KCND2: variants seen among roughly 807,000 people sequenced by gnomAD.
The protein encoded by KCND2 is A-type voltage-gated potassium channel KCND2.
KCND2 carries 16 observed loss-of-function variants against 54.4 expected under a neutral mutation model. That is an observed-to-expected ratio of 0.29 (90% CI 0.20 to 0.45). The LOEUF is 0.45. KCND2 is among the 20% of genes least tolerant of loss of function. The pLI is 1.00. For synonymous variants in KCND2, 317 were observed against 310.7 expected, an observed-to-expected ratio of 1.02 and a Z score of -0.21; for missense variants, 486 against 824.2, an observed-to-expected ratio of 0.59 and a Z score of 5.02.
chr7:120,497,454 A>G (rs746123954), intron 1 of KCND2, among the ~76,000 whole-genome samples: 2 of 152,228 alleles, frequency 1.3e-5, no homozygotes, highest in Non-Finnish European at 2.9e-5. Flanking sequence ...AGCAAGTTAT[A>G]TTTCATAAGA....
At chr7:120,735,132 A>T (rs10266090) in intron 2 of KCND2, among the ~76,000 whole-genome samples, 4 of 152,132 alleles carry the variant, frequency 2.6e-5, no homozygotes, top group African/African-American at 9.6e-5. Flanking sequence ...TACAGAGAAG[A>T]GTTAGAAATA....
At chr7:120,397,985 GTGTGTGTGTGTATATATATATATATA>G (rs1332523403) in intron 1 of KCND2, among the ~76,000 whole-genome samples, 1 of 36,910 alleles carries the variant, frequency 2.7e-5, no homozygotes, top group Admixed American at 2.5e-4. Flanking sequence ...GTGTGTGTGT[GTGTGTGTGTGTATATATATATATATA>G]TATATATATA....
At chr7:120,333,136 G>A (rs543993045) in intron 1 of KCND2, among the ~76,000 whole-genome samples, 57 of 152,180 alleles carry the variant, frequency 3.7e-4, no homozygotes, top group African/African-American at 1.2e-3. Flanking sequence ...TTCTGTTTCA[G>A]TCACTTAGTT....
At chr7:120,518,198 GT>G (rs1479242562) in intron 1 of KCND2, among the ~76,000 whole-genome samples, 1 of 152,086 alleles carries the variant, frequency 6.6e-6, no homozygotes, top group African/African-American at 2.4e-5. Flanking sequence ...TGATCAGAAT[GT>G]ATTATTATTC....
intron 1 of KCND2, among the ~76,000 whole-genome samples, chr7:120,527,855 C>T (rs563536239): frequency 2.6e-5 from 4 of 152,022 alleles, no homozygotes; most frequent in South Asian, 2.1e-4. Flanking sequence ...AATAAATGGA[C>T]GAATGTATAC....
chr7:120,275,448 T>TTA lies in KCND2; in HGVS notation c.818_819dup (p.Tyr274IlefsTer6). 1 of 1,613,776 alleles carries TTA rather than the reference T, an allele frequency of 6.2e-7. No homozygotes were observed. Among genetic ancestry groups the TTA allele is most frequent in the Non-Finnish European group, 8.5e-7 (1 of 1,179,944 alleles). ...TCATCGACGTGGTGGCCATCCTGCCTTATTACATTGGGCTGGTGATGACAG... is the reference window on the plus strand; with the variant it reads ...TCATCGACGTGGTGGCCATCCTGCCTTATATTACATTGGGCTGGTGATGACAG... On this transcript the variant is annotated frameshift_variant, in exon 1 of 6. Coordinates refer to ENST00000331113, the MANE Select transcript of KCND2 (RefSeq NM_012281.3). LOFTEE classifies it high-confidence loss of function.
chr7:120,522,464 G>A (rs559835457), intron 1 of KCND2, among the ~76,000 whole-genome samples: 1 of 152,226 alleles, frequency 6.6e-6, no homozygotes, highest in South Asian at 2.1e-4. Context: ...AAGATCAATG[G>A]GATATGTAAA....
chr7:120,346,245 A>T (rs1471018251), intron 1 of KCND2, among the ~76,000 whole-genome samples: 1 of 152,040 alleles, frequency 6.6e-6, no homozygotes, highest in Non-Finnish European at 1.5e-5. Flanking sequence ...CCCTTATTAG[A>T]TGTAATGATT....
At chr7:120,708,025 A>T (rs899907070) in intron 1 of KCND2, among the ~76,000 whole-genome samples, 2 of 152,118 alleles carry the variant, frequency 1.3e-5, no homozygotes, top group African/African-American at 4.8e-5. Context: ...AAGCTTCATT[A>T]AGCAAGATGA....
intron 1 of KCND2, among the ~76,000 whole-genome samples, chr7:120,562,281 G>C (rs1002850640): frequency 6.6e-6 from 1 of 152,112 alleles, no homozygotes; most frequent in Non-Finnish European, 1.5e-5. Flanking sequence ...CTGAGATAAA[G>C]ATGTCAAAAG....
chr7:120,661,568 T>C (rs1033195735), intron 1 of KCND2, among the ~76,000 whole-genome samples: 1 of 151,844 alleles, frequency 6.6e-6, no homozygotes, highest in Non-Finnish European at 1.5e-5. Context: ...AAGAATCACT[T>C]GAACCTGAGA....
intron 1 of KCND2, among the ~76,000 whole-genome samples, chr7:120,295,431 A>G (rs908279620): frequency 2.0e-5 from 3 of 151,198 alleles, no homozygotes; most frequent in African/African-American, 7.3e-5. Context: ...CACACATTCT[A>G]CATTACAGTG....
chr7:120,741,649 T>C lies in KCND2; in HGVS notation c.1374+20T>C. ...CTGCAGGTACAATCAATTACATCTC[T>C]TTTTTTAATGTTCAATTTCTTGGTT... On this transcript the variant is annotated intron_variant, in intron 3 of 5. Transcript: ENST00000331113. The C allele has an allele frequency of 6.7e-7, 1 of 1,503,516 alleles. No individual in the cohort carries two copies. Among genetic ancestry groups the C allele is most frequent in the East Asian group, 2.3e-5 (1 of 44,164 alleles). The allele number at this position is 1,503,516 out of a possible 1,614,324, so 93.1% of individuals were successfully genotyped here.
intron 1 of KCND2, among the ~76,000 whole-genome samples, chr7:120,701,293 G>A (rs1487559046): frequency 1.6e-5 from 2 of 128,112 alleles, no homozygotes; most frequent in African/African-American, 5.7e-5. Context: ...TTCTAGTTCT[G>A]TTACTAAGGA....
intron 1 of KCND2, among the ~76,000 whole-genome samples, chr7:120,500,033 T>C (rs1473851969): frequency 6.6e-6 from 1 of 152,212 alleles, no homozygotes; most frequent in Non-Finnish European, 1.5e-5. Flanking sequence ...AAATCAATAC[T>C]ATCTTTAATT....
At chr7:120,680,960 A>G (rs1277362418) in intron 1 of KCND2, among the ~76,000 whole-genome samples, 2 of 152,142 alleles carry the variant, frequency 1.3e-5, no homozygotes, top group African/African-American at 2.4e-5. Flanking sequence ...ACATGCTAAC[A>G]TAATACTTAC....
intron 2 of KCND2, among the ~76,000 whole-genome samples, chr7:120,733,297 C>G (rs1315186311): frequency 6.6e-6 from 1 of 152,026 alleles, no homozygotes; most frequent in African/African-American, 2.4e-5. Context: ...AATAGAGAGT[C>G]CATCTTGACA....
At chr7:120,504,387 A>G (rs1802984058) in intron 1 of KCND2, among the ~76,000 whole-genome samples, 1 of 151,944 alleles carries the variant, frequency 6.6e-6, no homozygotes, top group Non-Finnish European at 1.5e-5. Context: ...TTTTACATAA[A>G]CCTTAAAATT....
intron 1 of KCND2, among the ~76,000 whole-genome samples, chr7:120,317,600 C>T (rs1260450556): frequency 6.6e-6 from 1 of 151,946 alleles, no homozygotes; most frequent in Non-Finnish European, 1.5e-5. Context: ...TACTAGTTAC[C>T]CAAAATTTAA....
Sources: allele counts gnomAD v4.1 joint callset (sites outside exome capture counted in the v4.1 genomes callset), GRCh38; gene constraint gnomAD v4.1.1; transcripts MANE v1.5; gene names NCBI Gene and HGNC (gene_info 2026-07-23, HGNC 2026-07-21).